DOCK3: variants seen among roughly 807,000 people sequenced by gnomAD.
The protein encoded by DOCK3 is dedicator of cytokinesis protein 3.
A neutral mutation model predicts 265.6 loss-of-function variants in DOCK3; 60 were observed. The ratio of observed to expected loss-of-function variants is 0.23; its 90% confidence interval spans 0.18 to 0.28. The LOEUF is 0.28. DOCK3 is among the 10% of genes least tolerant of loss of function. DOCK3 has a pLI of 1.00. For missense variants in DOCK3, 1,981 were observed against 2,594.3 expected (o/e 0.76, Z 5.14); for synonymous variants, 881 against 938.0 (o/e 0.94, Z 1.11).
chr3:51,136,961 C>T (rs1225536320), intron 9 of DOCK3, among the ~76,000 whole-genome samples: 1 of 151,752 alleles, frequency 6.6e-6, no homozygotes, highest in Non-Finnish European at 1.5e-5. Context: ...GAAAAGCTGA[C>T]ACTATGTATA....
intron 27 of DOCK3, among the ~76,000 whole-genome samples, chr3:51,296,809 C>T (rs2082107291): frequency 6.6e-6 from 1 of 151,980 alleles, no homozygotes; most frequent in African/African-American, 2.4e-5. Flanking sequence ...ACAAATGGTT[C>T]TGGGACAACT....
chr3:51,135,015 G>T (rs1482716815), intron 9 of DOCK3, among the ~76,000 whole-genome samples: 2 of 152,148 alleles, frequency 1.3e-5, no homozygotes, highest in Non-Finnish European at 2.9e-5. Flanking sequence ...CACTCACTCA[G>T]TGGCTGCTGT....
chr3:51,151,006 T>C (rs1296646638), intron 10 of DOCK3, among the ~76,000 whole-genome samples: 5 of 152,210 alleles, frequency 3.3e-5, no homozygotes, highest in Non-Finnish European at 7.4e-5. Context: ...ACTTGCTTTA[T>C]GAATCTTGGT....
chr3:51,041,208 T>A (rs57001173), intron 5 of DOCK3, among the ~76,000 whole-genome samples: 133 of 49,002 alleles, frequency 2.7e-3, no homozygotes, highest in East Asian at 5.9e-3. Flanking sequence ...ATATATATTT[T>A]TTTTTTTTTT....
intron 5 of DOCK3, among the ~76,000 whole-genome samples, chr3:51,036,882 T>A (rs2080292824): frequency 6.6e-6 from 1 of 151,762 alleles, no homozygotes; most frequent in African/African-American, 2.4e-5. Context: ...AAAACGGGAG[T>A]TTCCCTGCAC....
chr3:51,212,974 A>C (rs564942902), intron 13 of DOCK3, among the ~76,000 whole-genome samples: 2 of 151,984 alleles, frequency 1.3e-5, no homozygotes, highest in Non-Finnish European at 2.9e-5. Context: ...CCCAGCTCTG[A>C]GAGTACAAAT....
chr3:50,985,224 G>A (rs1189624517), intron 5 of DOCK3, among the ~76,000 whole-genome samples: 1 of 152,100 alleles, frequency 6.6e-6, no homozygotes, highest in Non-Finnish European at 1.5e-5. Flanking sequence ...ATGCATATTA[G>A]GTTTTTCTGT....
At chr3:50,826,344 A>G (rs1273332532) in intron 2 of DOCK3, among the ~76,000 whole-genome samples, 2 of 152,134 alleles carry the variant, frequency 1.3e-5, no homozygotes, top group African/African-American at 4.8e-5. Context: ...AATGATTGGT[A>G]TATTTTCTGT....
Position 51,356,182 on chromosome 3 carries a change from T to C in DOCK3, c.4343T>C (p.Val1448Ala), listed in dbSNP as rs2086349109. Residue 1448 changes from valine (V) to alanine (A), a missense_variant, in exon 42 of 53, where the codon GTC becomes GCC. Transcript: ENST00000266037. ...GATCGAGTCAAGAGCTTCTATCGCG[T>C]CAACAATGTGAGGAAGTTCCGGTAT... ...VPDRVKSFYRVNNVRKFRYDR... is the reference protein window; with the variant it reads ...VPDRVKSFYRANNVRKFRYDR... 6.2e-7 allele frequency: 1 copy of C among 1,613,874 alleles called. No individual in the cohort carries two copies. Among genetic ancestry groups the C allele is most frequent in the South Asian group, 1.1e-5 (1 of 91,086 alleles).
chr3:50,985,417 TC>T (rs1219965125), intron 5 of DOCK3, among the ~76,000 whole-genome samples: 1 of 152,246 alleles, frequency 6.6e-6, no homozygotes, highest in Non-Finnish European at 1.5e-5. Flanking sequence ...TCTAATTTTT[TC>T]TTCCTGTATC....
In DOCK3 at chr3:51,381,046, G is replaced by C; in HGVS notation, c.5584-4G>C. On this transcript the variant is annotated splice_region_variant and splice_polypyrimidine_tract_variant and intron_variant, in intron 52 of 52. Coordinates refer to ENST00000266037, the MANE Select transcript of DOCK3 (RefSeq NM_004947.5). This position sits in a 1 kb window ranked among gnomAD's most constrained non-coding sequence, Gnocchi z 5.6. The stretch of plus-strand genomic sequence containing the variant: ...TTCTAACATGCCCACCCTTTCCTTC[G>C]CAGTCTCCTCTCCACCCTATCCCAG... The C allele has an allele frequency of 6.3e-7, 1 of 1,580,006 alleles. No individual in the cohort carries two copies. Among genetic ancestry groups the C allele is most frequent in the Non-Finnish European group, 8.6e-7 (1 of 1,159,844 alleles).
intron 1 of DOCK3, among the ~76,000 whole-genome samples, chr3:50,739,046 A>G (rs986131416): frequency 6.6e-6 from 1 of 152,104 alleles, no homozygotes; most frequent in African/African-American, 2.4e-5. Context: ...TTTGGGTCAC[A>G]TTCTTCCACT....
intron 9 of DOCK3, among the ~76,000 whole-genome samples, chr3:51,134,342 T>A (rs774153778): frequency 6.6e-6 from 1 of 152,188 alleles, no homozygotes; most frequent in African/African-American, 2.4e-5. Flanking sequence ...TCTGAAGACC[T>A]GATAGGGGCT....
intron 2 of DOCK3, among the ~76,000 whole-genome samples, chr3:50,821,117 TTTTC>T (rs770179063): frequency 8.6e-5 from 13 of 150,864 alleles, no homozygotes; most frequent in East Asian, 1.9e-4. Flanking sequence ...TTGCTGATAG[TTTTC>T]TTTCTTTCTT....
At chr3:51,130,484 T>G (rs1410220911) in intron 9 of DOCK3, among the ~76,000 whole-genome samples, 1 of 152,206 alleles carries the variant, frequency 6.6e-6, no homozygotes, top group Non-Finnish European at 1.5e-5. Flanking sequence ...GCTCAAGCAA[T>G]GAAACCACAT....
chr3:51,090,123 C>T (rs2082582421), intron 8 of DOCK3, 107 bp from the exon 9 acceptor site: 46 of 1,197,694 alleles, frequency 3.8e-5, no homozygotes, highest in Non-Finnish European at 5.1e-5. Flanking sequence ...CTCAAATAAT[C>T]TCCTTCAGTA....
At chr3:51,295,634 G>A (rs2082037655) in intron 27 of DOCK3, among the ~76,000 whole-genome samples, 1 of 152,066 alleles carries the variant, frequency 6.6e-6, no homozygotes, top group East Asian at 1.9e-4. Context: ...CTTATAAAGG[G>A]CATCTATGAA....
chr3:51,161,198 A>G (rs1576283726), intron 12 of DOCK3, among the ~76,000 whole-genome samples: 1 of 152,082 alleles, frequency 6.6e-6, no homozygotes, highest in Admixed American at 6.5e-5. Context: ...TAATCCCAGC[A>G]CTTTGGGAGG....
chr3:50,840,339 T>C (rs990459088), intron 2 of DOCK3, among the ~76,000 whole-genome samples: 22 of 152,370 alleles, frequency 1.4e-4, no homozygotes, highest in African/African-American at 5.0e-4. Context: ...TGGAGTTTTA[T>C]AGTTTTGCAT....
Sources: allele counts gnomAD v4.1 joint callset (sites outside exome capture counted in the v4.1 genomes callset), GRCh38; gene constraint gnomAD v4.1.1; non-coding constraint Gnocchi (gnomAD v3.1); transcripts MANE v1.5; gene names NCBI Gene and HGNC (gene_info 2026-07-23, HGNC 2026-07-21).